The following ABCB10 variants were observed in gnomAD, a reference collection of about 807,000 sequenced individuals.
The protein encoded by ABCB10 is ATP-binding cassette sub-family B member 10, mitochondrial.
ABCB10 carries 54 observed loss-of-function variants against 65.4 expected under a neutral mutation model. That is an observed-to-expected ratio of 0.83 (90% CI 0.66 to 1.04). The LOEUF (loss-of-function observed/expected upper bound fraction) is 1.04, where lower values mean the gene tolerates loss of function less well. Ranked by LOEUF, ABCB10 falls within the 50% of genes least tolerant of loss-of-function variation. ABCB10 has a pLI of 0.00. For synonymous variants in ABCB10, 418 were observed against 406.5 expected, an observed-to-expected ratio of 1.03 and a Z score of -0.34; for missense variants, 846 against 976.6, an observed-to-expected ratio of 0.87 and a Z score of 1.78.
intron 8 of ABCB10, among the ~76,000 whole-genome samples, chr1:229,528,279 G>A (rs1009304794): frequency 4.6e-5 from 7 of 151,690 alleles, no homozygotes; most frequent in African/African-American, 1.7e-4. Context: ...TAGAGACTCA[G>A]TATTTTTACT....
chr1:229,524,808 C>T (rs944389865), intron 10 of ABCB10, among the ~76,000 whole-genome samples: 2 of 152,058 alleles, frequency 1.3e-5, no homozygotes, highest in Non-Finnish European at 2.9e-5. Context: ...AGCACACACA[C>T]ACAAAGAAGG....
chr1:229,538,710 C>T (rs1662776118), intron 6 of ABCB10, among the ~76,000 whole-genome samples: 1 of 152,178 alleles, frequency 6.6e-6, no homozygotes, highest in African/African-American at 2.4e-5. Flanking sequence ...CCTCTACCTT[C>T]AACAATTAGA....
At chr1:229,550,548 A>AAAAT (rs1663083333) in intron 1 of ABCB10, among the ~76,000 whole-genome samples, 1 of 147,014 alleles carries the variant, frequency 6.8e-6, no homozygotes, top group Non-Finnish European at 1.5e-5. Flanking sequence ...AAAAAAAAAA[A>AAAAT]TTTTAGAAAA....
chr1:229,523,017 A>T (rs1219330977), intron 10 of ABCB10, among the ~76,000 whole-genome samples: 1 of 152,128 alleles, frequency 6.6e-6, no homozygotes, highest in Non-Finnish European at 1.5e-5. Flanking sequence ...CCCGGCTAAC[A>T]TAGCACTTAT....
intron 9 of ABCB10, 23 bp downstream of exon 9, chr1:229,527,206 G>T: frequency 1.3e-6 from 2 of 1,557,638 alleles, no homozygotes; most frequent in Non-Finnish European, 1.7e-6. Flanking sequence ...AAGTGAAATA[G>T]AAATGGAAGC....
At chr1:229,557,566 T>C (rs747110971) in intron 1 of ABCB10, among the ~76,000 whole-genome samples, 1 of 152,220 alleles carries the variant, frequency 6.6e-6, no homozygotes, top group Non-Finnish European at 1.5e-5. Context: ...TTTGGCTTCT[T>C]TTAAAAAAGT....
At chr1:229,544,344 G>C (rs1003643962) in intron 3 of ABCB10, among the ~76,000 whole-genome samples, 7 of 151,188 alleles carry the variant, frequency 4.6e-5, no homozygotes, top group African/African-American at 7.3e-5. Context: ...TCGAGCTCGG[G>C]AGGCAGAGGT....
At chr1:229,545,828 C>A (rs1238607410) in intron 3 of ABCB10, among the ~76,000 whole-genome samples, 1 of 152,180 alleles carries the variant, frequency 6.6e-6, no homozygotes, top group African/African-American at 2.4e-5. Flanking sequence ...GCAAGAACAA[C>A]CTTTCTTCCT....
intron 5 of ABCB10, 127 bp downstream of exon 5, chr1:229,540,479 G>T: frequency 3.2e-6 from 3 of 931,974 alleles, no homozygotes; most frequent in Non-Finnish European, 3.0e-6. Flanking sequence ...AGTCATTCTT[G>T]GCCTTGAAAT....
At chr1:229,554,787 C>G (rs1188277617) in intron 1 of ABCB10, among the ~76,000 whole-genome samples, 1 of 152,194 alleles carries the variant, frequency 6.6e-6, no homozygotes, top group Non-Finnish European at 1.5e-5. Context: ...TCCCAGCCCC[C>G]ACAGGGCACT....
intron 11 of ABCB10, among the ~76,000 whole-genome samples, chr1:229,519,804 A>T (rs28479720): frequency 6.5e-5 from 9 of 137,946 alleles, no homozygotes; most frequent in African/African-American, 1.9e-4. Flanking sequence ...ATAAATAAAT[A>T]AAGTAAGTAA....
At chr1:229,557,337 G>A (rs1314341942) in intron 1 of ABCB10, among the ~76,000 whole-genome samples, 1 of 152,192 alleles carries the variant, frequency 6.6e-6, no homozygotes, top group African/African-American at 2.4e-5. Context: ...CCCAGCAGAA[G>A]TGAGGACCAT....
chr1:229,540,482 C>G (rs1253973715), intron 5 of ABCB10, 124 bp downstream of exon 5: 1 of 1,004,586 alleles, frequency 1.0e-6, no homozygotes, highest in Non-Finnish European at 1.4e-6. Context: ...CATTCTTGGC[C>G]TTGAAATTAA....
chr1:229,533,268 T>G (rs1411986057), intron 6 of ABCB10, among the ~76,000 whole-genome samples: 1 of 151,986 alleles, frequency 6.6e-6, no homozygotes, highest in African/African-American at 2.4e-5. Flanking sequence ...GGATTACAGG[T>G]GCCCCCCACC....
Position 229,552,772 on chromosome 1 carries a change from CCT to C in ABCB10, c.518-3340_518-3339del, listed in dbSNP as rs1026047140. Among the ~76,000 whole-genome samples, 9 of 152,210 alleles carry C rather than the reference CCT, an allele frequency of 5.9e-5. 1 individual carries two copies. The highest frequency in any genetic ancestry group is 5.9e-4 in the Admixed American group (9 of 15,284). On this transcript the variant is annotated intron_variant, in intron 1 of 12. Transcript: ENST00000344517. ...CTGGCATCCATCATCTTAAATCCTC[CCT>C]TTCACCCTCATCTTATCCTCGTTTT...
chr1:229,531,814 G>C, intron 6 of ABCB10, 83 bp from the exon 7 acceptor site: 2 of 1,057,980 alleles, frequency 1.9e-6, no homozygotes, highest in Non-Finnish European at 2.8e-6. Context: ...GAGTGACAAT[G>C]ATTGCTTTTA....
intron 6 of ABCB10, among the ~76,000 whole-genome samples, chr1:229,533,066 C>T (rs1662622969): frequency 6.6e-6 from 1 of 152,176 alleles, no homozygotes; most frequent in Admixed American, 6.5e-5. Flanking sequence ...CTTGGCCTCC[C>T]AAAGTGCTGG....
intron 3 of ABCB10, among the ~76,000 whole-genome samples, 159 bp downstream of exon 3, chr1:229,547,340 G>T (rs553474223): frequency 3.3e-5 from 5 of 152,366 alleles, no homozygotes; most frequent in African/African-American, 1.2e-4. Flanking sequence ...GCAGGCAGAG[G>T]CAATCCCCAC....
At position 229,547,668 on chromosome 1, in the gene ABCB10, A is replaced by G. The variant is rs1571976159; in HGVS notation, c.752T>C (p.Leu251Ser). Reference protein sequence around the residue: ...QRIVNRLRTSLFSSILRQEVA... With the variant: ...QRIVNRLRTSSFSSILRQEVA... ...CTCCTGCCTCAGAATGGAGGAGAAT[A>G]ATGAAGTTCTCAGCCTATTCACAAT... The change falls in exon 3 of 13, where the codon TTA becomes TCA. Residue 251 changes from leucine (L) to serine (S), a missense_variant. By Grantham distance (145) the Leu-to-Ser change is moderately radical. This residue lies in a region of ABCB10 where 632 missense variants were observed against 803.2 expected (regional missense o/e 0.79). Transcript: ENST00000344517. The G allele has an allele frequency of 6.2e-7, 1 of 1,614,204 alleles. No individual in the cohort carries two copies. Among genetic ancestry groups the G allele is most frequent in the Non-Finnish European group, 8.5e-7 (1 of 1,180,016 alleles).
Sources: gnomAD v4.1 joint callset for allele counts (sites outside exome capture counted in the v4.1 genomes callset) on GRCh38, gnomAD v4.1.1 for gene constraint, gnomAD v4.1.1 regional missense constraint, MANE v1.5 for transcripts, NCBI Gene and HGNC (gene_info 2026-07-23, HGNC 2026-07-21) for gene names.